Variants in FOXN3 observed in about 807,000 individuals in gnomAD.
The protein encoded by FOXN3 is forkhead box N3, also known as forkhead box protein N3.
Under a neutral mutation model 38.4 loss-of-function variants are expected in FOXN3, and 7 were observed. The observed-to-expected ratio is 0.18, with a 90% CI of 0.10 to 0.34. The LOEUF (loss-of-function observed/expected upper bound fraction) is 0.34, where lower values mean the gene tolerates loss of function less well. Ranked by LOEUF, FOXN3 falls within the 10% of genes least tolerant of loss-of-function variation. FOXN3 has a pLI of 1.00. For synonymous variants in FOXN3, 230 were observed against 242.2 expected, an observed-to-expected ratio of 0.95 and a Z score of 0.47; for missense variants, 456 against 613.4, an observed-to-expected ratio of 0.74 and a Z score of 2.71.
intron 3 of FOXN3, among the ~76,000 whole-genome samples, chr14:89,286,749 C>G (rs3783871): frequency 0.86 from 130,985 of 152,152 alleles, 57,043 homozygotes; most frequent in East Asian, 0.98. Context: ...AAGGATGTCA[C>G]TCGCTGGCAT....
chr14:89,541,061 G>T (rs10137116), intron 1 of FOXN3, among the ~76,000 whole-genome samples: 10,594 of 152,164 alleles, frequency 0.07, 605 homozygotes, highest in East Asian at 0.25. Context: ...TACCGATTTT[G>T]ATTTCAATTT....
In FOXN3 at chr14:89,551,073, C is replaced by T. The variant is rs190087423; in HGVS notation, c.-15+67955G>A. 2.6e-3 allele frequency among the ~76,000 whole-genome samples: 394 copies of T among 152,304 alleles called. 2 individuals are homozygous for T. Among genetic ancestry groups the T allele is most frequent in the African/African-American group, 9.3e-3 (385 of 41,554 alleles). ...AACATCTTATCAGCCTTTGAAGTTA[C>T]GCACAATGACATCCTTTGGTTCCTT... On this transcript the variant is annotated intron_variant, in intron 1 of 6. Coordinates refer to the FOXN3 transcript ENST00000345097.
chr14:89,526,061 A>C (rs1272752801), intron 1 of FOXN3, among the ~76,000 whole-genome samples: 2 of 152,160 alleles, frequency 1.3e-5, no homozygotes, highest in African/African-American at 4.8e-5. Flanking sequence ...AATATTTGAC[A>C]AAATCCAACA....
At chr14:89,177,135 TGAGTAGCTGGGACTG>T (rs1887543612) in intron 5 of FOXN3, among the ~76,000 whole-genome samples, 1 of 151,750 alleles carries the variant, frequency 6.6e-6, no homozygotes, top group South Asian at 2.1e-4. Flanking sequence ...CTCAGCCTCC[TGAGTAGCTGGGACTG>T]CAGGCACATA....
intron 1 of FOXN3, among the ~76,000 whole-genome samples, chr14:89,547,197 C>T (rs926921714): frequency 6.6e-6 from 1 of 151,996 alleles, no homozygotes; most frequent in Admixed American, 6.6e-5. Flanking sequence ...ATGTTTTGTG[C>T]TTCTATAACA....
At chr14:89,508,716 T>C (rs1032149219) in intron 1 of FOXN3, among the ~76,000 whole-genome samples, 3 of 152,196 alleles carry the variant, frequency 2.0e-5, no homozygotes, top group African/African-American at 4.8e-5. Flanking sequence ...TCGTGGGCCA[T>C]GGATCACCTG....
Position 89,412,353 on chromosome 14 carries a change from C to A in FOXN3, c.124G>T (p.Asp42Tyr), listed in dbSNP as rs139494967. The change falls in exon 2 of 6, where the codon GAC (aspartate) becomes TAC (tyrosine). Residue 42 changes from aspartate to tyrosine, a missense_variant. Around this residue, in one of 3 missense-constraint regions of FOXN3, gnomAD observed 59 missense variants for 69.0 expected, o/e 0.85. Coordinates refer to ENST00000557258, the MANE Select transcript of FOXN3 (RefSeq NM_005197.4). This position sits in a 1 kb window ranked among gnomAD's most constrained non-coding sequence, Gnocchi z 4.7. ...AATCGGATGTCAGGCAGAGAAAAGT[C>A]GAGGTCATCGTCTTCCTGAAGGGCC... ...SKALQEDDDL[D>Y]FSLPDIRLEE... 1.2e-6 allele frequency: 2 copies of A among 1,614,148 alleles called. No individual in the cohort carries two copies. Among genetic ancestry groups the A allele is most frequent in the East Asian group, 4.5e-5 (2 of 44,880 alleles).
At chr14:89,241,147 A>C (rs12434332) in intron 4 of FOXN3, among the ~76,000 whole-genome samples, 125,438 of 152,172 alleles carry the variant, frequency 0.82, 51,771 homozygotes, top group African/African-American at 0.86. Flanking sequence ...ACACTCCCTA[A>C]CCAAAGTGAC....
intron 1 of FOXN3, among the ~76,000 whole-genome samples, chr14:89,428,545 G>C (rs1455090143): frequency 6.6e-6 from 1 of 152,216 alleles, no homozygotes; most frequent in Non-Finnish European, 1.5e-5. Context: ...ATTCTGACTG[G>C]TTTCAAAGAT....
At chr14:89,575,004 C>T (rs994660456) in intron 1 of FOXN3, among the ~76,000 whole-genome samples, 2 of 152,152 alleles carry the variant, frequency 1.3e-5, no homozygotes, top group African/African-American at 4.8e-5. Flanking sequence ...ACAAGGCCAG[C>T]GGGAAGCTGA....
At chr14:89,219,481 A>T (rs984155334) in intron 4 of FOXN3, among the ~76,000 whole-genome samples, 1 of 152,220 alleles carries the variant, frequency 6.6e-6, no homozygotes, top group Admixed American at 6.5e-5. Flanking sequence ...GTGTTTGCAC[A>T]TGTGTTCCCA....
At chr14:89,236,830 C>A (rs1011994347) in intron 4 of FOXN3, among the ~76,000 whole-genome samples, 2 of 152,218 alleles carry the variant, frequency 1.3e-5, no homozygotes, top group African/African-American at 4.8e-5. Flanking sequence ...TTGATGAATT[C>A]CATCTTCTGC....
chr14:89,373,447 G>A (rs1242332409), intron 2 of FOXN3, among the ~76,000 whole-genome samples: 1 of 127,888 alleles, frequency 7.8e-6, no homozygotes, highest in East Asian at 2.7e-4. Context: ...GAGGGAGCAC[G>A]TAAGCAGAAA....
intron 3 of FOXN3, among the ~76,000 whole-genome samples, chr14:89,311,182 G>C (rs968405805): frequency 3.5e-5 from 5 of 142,418 alleles, no homozygotes; most frequent in African/African-American, 1.0e-4. Flanking sequence ...AAAATACCTT[G>C]TATCTTTTAA....
intron 2 of FOXN3, among the ~76,000 whole-genome samples, chr14:89,352,417 AG>A (rs1889010702): frequency 6.6e-6 from 1 of 152,160 alleles, no homozygotes; most frequent in African/African-American, 2.4e-5. Context: ...GAAAGCCAAA[AG>A]CTAAGGAGTG....
Position 89,555,145 on chromosome 14 carries a change from T to C in FOXN3, c.-15+63883A>G, listed in dbSNP as rs185037017. The stretch of plus-strand genomic sequence containing the variant: ...ATAATGTGGTTTTTTTTGTACACTG[T>C]TCTGCACTCTGCTTTTTTCACTTAA... On this transcript the variant is annotated intron_variant, in intron 1 of 6. Transcript: ENST00000345097. Among the ~76,000 whole-genome samples the C allele has an allele frequency of 3.3e-3, 499 of 152,296 alleles. 1 individual carries two copies. Among genetic ancestry groups the C allele is most frequent in the Admixed American group, 5.4e-3 (82 of 15,282 alleles).
At chr14:89,523,888 G>A (rs1349567815) in intron 1 of FOXN3, among the ~76,000 whole-genome samples, 1 of 151,770 alleles carries the variant, frequency 6.6e-6, no homozygotes, top group African/African-American at 2.4e-5. Context: ...TCAGCCTCCT[G>A]AGTAGGTGGG....
intron 1 of FOXN3, among the ~76,000 whole-genome samples, chr14:89,463,733 G>C (rs963646669): frequency 6.6e-6 from 1 of 151,862 alleles, no homozygotes; most frequent in Non-Finnish European, 1.5e-5. Context: ...CCAAAAGTTT[G>C]GCTGTGGAGA....
At chr14:89,217,782 G>A (rs1884331869) in intron 4 of FOXN3, among the ~76,000 whole-genome samples, 1 of 152,202 alleles carries the variant, frequency 6.6e-6, no homozygotes, top group East Asian at 1.9e-4. Context: ...AAGGAACAAA[G>A]TCCAGTCCCC....
Sources: allele counts gnomAD v4.1 joint callset (sites outside exome capture counted in the v4.1 genomes callset), GRCh38; gene constraint gnomAD v4.1.1; regional missense constraint gnomAD v4.1.1; non-coding constraint Gnocchi (gnomAD v3.1); transcripts MANE v1.5; gene names NCBI Gene and HGNC (gene_info 2026-07-23, HGNC 2026-07-21).